OXSR1: variants seen among roughly 807,000 people sequenced by gnomAD.
The protein encoded by OXSR1 is serine/threonine-protein kinase OSR1.
A neutral mutation model predicts 79.8 loss-of-function variants in OXSR1; 24 were observed. The observed-to-expected ratio is 0.30, with a 90% CI of 0.22 to 0.42. The LOEUF is 0.42. Ranked by LOEUF, OXSR1 falls within the 10% of genes least tolerant of loss-of-function variation. OXSR1 has a pLI of 1.00. For synonymous variants in OXSR1, 226 were observed against 209.2 expected, an observed-to-expected ratio of 1.08 and a Z score of -0.69; for missense variants, 430 against 618.4, an observed-to-expected ratio of 0.70 and a Z score of 3.23.
chr3:38,242,425 C>T (rs1703054391), intron 11 of OXSR1, among the ~76,000 whole-genome samples: 1 of 152,200 alleles, frequency 6.6e-6, no homozygotes, highest in Non-Finnish European at 1.5e-5. Context: ...AATATGTTCA[C>T]GATTAGTAGA....
intron 3 of OXSR1, among the ~76,000 whole-genome samples, chr3:38,192,012 G>T (rs186002057): frequency 6.6e-6 from 1 of 152,220 alleles, no homozygotes; most frequent in Admixed American, 6.5e-5. Context: ...CTTTTTTAAG[G>T]ATCAAGTTTT....
upstream of OXSR1, among the ~76,000 whole-genome samples, chr3:38,164,213 G>A (rs924531828): frequency 3.3e-5 from 5 of 152,104 alleles, no homozygotes; most frequent in Non-Finnish European, 7.4e-5. Context: ...TGCCCAGACT[G>A]GAGTGCAGTG....
At chr3:38,174,106 G>A (rs1033401566) in intron 1 of OXSR1, among the ~76,000 whole-genome samples, 6 of 152,350 alleles carry the variant, frequency 3.9e-5, no homozygotes, top group Admixed American at 3.9e-4. Flanking sequence ...AGCTAGAGCA[G>A]AGTAAATCAG....
At chr3:38,174,695 T>C (rs1701646760) in intron 1 of OXSR1, among the ~76,000 whole-genome samples, 1 of 152,084 alleles carries the variant, frequency 6.6e-6, no homozygotes, top group South Asian at 2.1e-4. Context: ...TGGTGAGAAG[T>C]GGTCAGATTC....
chr3:38,241,668 A>G (rs966265799), intron 11 of OXSR1, among the ~76,000 whole-genome samples: 2 of 152,106 alleles, frequency 1.3e-5, no homozygotes, highest in African/African-American at 4.8e-5. Context: ...AAGGTTAATA[A>G]TAAATGAATT....
At chr3:38,184,604 A>G (rs561821416) in intron 2 of OXSR1, among the ~76,000 whole-genome samples, 1 of 152,334 alleles carries the variant, frequency 6.6e-6, no homozygotes, top group African/African-American at 2.4e-5. Flanking sequence ...AAAATGAATG[A>G]AAGTCTTATT....
chr3:38,203,256 A>C (rs765925775), intron 4 of OXSR1, among the ~76,000 whole-genome samples: 1 of 152,068 alleles, frequency 6.6e-6, no homozygotes. Context: ...TGATCACGGG[A>C]CTTGCTTCAC....
intron 13 of OXSR1, 131 bp downstream of exon 13, chr3:38,246,352 C>T (rs1453874777): frequency 4.5e-6 from 4 of 893,106 alleles, no homozygotes; most frequent in African/African-American, 1.7e-5. Flanking sequence ...GAAATTCTGT[C>T]TTCACATTTT....
At chr3:38,202,545 G>T (rs1215580280) in intron 4 of OXSR1, among the ~76,000 whole-genome samples, 4 of 152,148 alleles carry the variant, frequency 2.6e-5, no homozygotes, top group Admixed American at 2.6e-4. Flanking sequence ...ATGCCTGGTT[G>T]TGGGCGAAAG....
chr3:38,223,535 T>A (rs1702630404), intron 6 of OXSR1, among the ~76,000 whole-genome samples: 1 of 151,224 alleles, frequency 6.6e-6, no homozygotes, highest in South Asian at 2.1e-4. Flanking sequence ...CTCTACCTCC[T>A]GGGTTCAAGC....
intron 1 of OXSR1, among the ~76,000 whole-genome samples, chr3:38,170,469 T>G (rs1202000802): frequency 2.0e-5 from 3 of 152,336 alleles, no homozygotes; most frequent in Non-Finnish European, 4.4e-5. Context: ...TAACCCAACA[T>G]TGTGAAGATT....
intron 16 of OXSR1, among the ~76,000 whole-genome samples, chr3:38,251,788 G>A (rs1703262046): frequency 6.6e-6 from 1 of 152,126 alleles, no homozygotes; most frequent in Non-Finnish European, 1.5e-5. Flanking sequence ...TAATTTTTGT[G>A]GCCCAAGTTG....
intron 2 of OXSR1, among the ~76,000 whole-genome samples, chr3:38,184,906 T>C: frequency 9.1e-5 from 1 of 10,936 alleles, no homozygotes; most frequent in East Asian, 3.7e-3. Flanking sequence ...AACATTTCTT[T>C]TTTTTTTTTT....
At chr3:38,208,874 C>A (rs1391576335) in intron 4 of OXSR1, among the ~76,000 whole-genome samples, 1 of 152,014 alleles carries the variant, frequency 6.6e-6, no homozygotes, top group Non-Finnish European at 1.5e-5. Context: ...TGCACTCCAG[C>A]CTGGGCGACA....
At chr3:38,167,826 G>A (rs1701496835) in intron 1 of OXSR1, among the ~76,000 whole-genome samples, 1 of 151,970 alleles carries the variant, frequency 6.6e-6, no homozygotes, top group South Asian at 2.1e-4. Flanking sequence ...AGGATTAAAT[G>A]GAAGATTCCA....
intron 14 of OXSR1, 130 bp downstream of exon 14, chr3:38,247,862 G>A: frequency 1.7e-6 from 1 of 584,922 alleles, no homozygotes; most frequent in Non-Finnish European, 3.0e-6. Flanking sequence ...TTGCTTGGTG[G>A]TGTATTATTT....
chr3:38,194,038 C>T (rs1226900065), intron 3 of OXSR1, among the ~76,000 whole-genome samples: 1 of 151,648 alleles, frequency 6.6e-6, no homozygotes, highest in Admixed American at 6.6e-5. Flanking sequence ...TTTTTTTAAA[C>T]AGGAGGAAGA....
rs746584164 is a variant in OXSR1 at position 38,216,076 on chromosome 3, CTT to C, written c.435-6_435-5del. On this transcript the variant is annotated intron_variant, in intron 4 of 17. Transcript: ENST00000311806. ...AGAATAGATGTTTTTTGATACATAA[CTT>C]TTTTTTTTTTTTTAAAGAGATGTGA... The C allele has an allele frequency of 2.3e-3, 2,832 of 1,248,976 alleles. No individual in the cohort carries two copies. Among genetic ancestry groups the C allele is most frequent in the Non-Finnish European group, 2.6e-3 (2,346 of 895,810 alleles). 77.4% of individuals were successfully genotyped at this position (1,248,976 alleles called of 1,614,324 possible). A position where few individuals can be genotyped will look rare whatever the true frequency, so the allele number is the denominator to read the frequency against.
At chr3:38,223,705 C>T (rs879858518) in intron 6 of OXSR1, 107 bp from the exon 7 acceptor site, 2 of 636,436 alleles carry the variant, frequency 3.1e-6, no homozygotes, top group Non-Finnish European at 5.3e-6. Context: ...CTGCCTCAGC[C>T]TCCCAAAGTG....
Sources: gnomAD v4.1 joint callset for allele counts (sites outside exome capture counted in the v4.1 genomes callset) on GRCh38, gnomAD v4.1.1 for gene constraint, MANE v1.5 for transcripts, NCBI Gene and HGNC (gene_info 2026-07-23, HGNC 2026-07-21) for gene names.